PCDHGB4: variants seen among roughly 807,000 people sequenced by gnomAD.
The protein encoded by PCDHGB4 is protocadherin gamma subfamily B, 4, also known as protocadherin gamma-B4.
In PCDHGB4, 38 loss-of-function variants were observed where a neutral mutation model predicts 60.5. The observed-to-expected ratio is 0.63, with a 90% CI of 0.48 to 0.82. PCDHGB4 has a LOEUF of 0.82. Among genes scored for constraint, PCDHGB4 ranks in the 40% least tolerant of loss-of-function variants. The pLI, the probability that PCDHGB4 is intolerant of heterozygous loss-of-function variation, is 0.00. For missense variants in PCDHGB4, 1,109 were observed against 1,209.6 expected, an observed-to-expected ratio of 0.92 and a Z score of 1.23; for synonymous variants, 456 against 509.7, an observed-to-expected ratio of 0.89 and a Z score of 1.42.
chr5:141,415,020 C>T, intron 1 of PCDHGB4: 2 of 1,613,560 alleles, frequency 1.2e-6, no homozygotes, highest in Non-Finnish European at 1.7e-6. Context: ...TGCTCAAGGC[C>T]AGCGAGCCGG....
At chr5:141,451,091 G>A (rs2098706622) in intron 1 of PCDHGB4, among the ~76,000 whole-genome samples, 1 of 151,962 alleles carries the variant, frequency 6.6e-6, no homozygotes, top group South Asian at 2.1e-4. Context: ...ACCTCCCAAA[G>A]TGTTGGGATT....
intron 1 of PCDHGB4, chr5:141,412,915 T>C (rs1167427710): frequency 2.0e-5 from 8 of 407,356 alleles, no homozygotes; most frequent in Non-Finnish European, 2.6e-5. Flanking sequence ...ATGTATCACT[T>C]GGGTGCAGTA....
At chr5:141,408,791 G>C (rs1260366830) in intron 1 of PCDHGB4, 1 of 1,612,540 alleles carries the variant, frequency 6.2e-7, no homozygotes, top group East Asian at 2.2e-5. Context: ...GTTATCTCTG[G>C]AGAAACTCCT....
chr5:141,510,898 T>G (rs1393880610), intron 3 of PCDHGB4, 49 bp from the exon 4 acceptor site: 1 of 1,613,278 alleles, frequency 6.2e-7, no homozygotes, highest in East Asian at 2.2e-5. Context: ...ACAGTGACTG[T>G]TGAGGACCCT....
rs1036126623 is a variant in PCDHGB4 at position 141,410,753 on chromosome 5, T to C, written c.2397+20472T>C. The stretch of plus-strand genomic sequence containing the variant: ...AGCTTTTTACAATATTTTCTCAATG[T>C]TTTTTCAATTATAGTTTTCACTATG... On this transcript the variant is annotated intron_variant, in intron 1 of 3. Coordinates refer to ENST00000519479, the MANE Select transcript of PCDHGB4 (RefSeq NM_003736.4). 2.4e-6 allele frequency: 3 copies of C among 1,229,812 alleles called. No homozygotes were observed. In the Admixed American group the frequency reaches 8.8e-5, roughly 36 times the overall value. The allele number at this position is 1,229,812 out of a possible 1,614,324, so 76.2% of individuals were successfully genotyped here. A position where few individuals can be genotyped will look rare whatever the true frequency, so the allele number is the denominator to read the frequency against.
At chr5:141,470,574 CA>C (rs1369567985) in intron 1 of PCDHGB4, among the ~76,000 whole-genome samples, 1 of 152,188 alleles carries the variant, frequency 6.6e-6, no homozygotes, top group Non-Finnish European at 1.5e-5. Flanking sequence ...CAAGCAGGAT[CA>C]ACTTCATAGG....
intron 1 of PCDHGB4, chr5:141,423,684 T>G (rs201506477): frequency 6.6e-7 from 1 of 1,524,756 alleles, no homozygotes; most frequent in Non-Finnish European, 8.8e-7. Context: ...CTCTGCCTCC[T>G]AATTGTTGGT....
Position 141,485,200 on chromosome 5 carries a change from A to C in PCDHGB4, c.2398-9607A>C. 1 of 1,614,116 alleles carries C rather than the reference A, an allele frequency of 6.2e-7. No homozygotes were observed. The highest frequency in any genetic ancestry group is 2.2e-5 in the East Asian group (1 of 44,872). ...TGCTCCGCAAGGTGAGAAGCTGGAC[A>C]GAAATCTGGCGGTGGGCTACCCTTT... On this transcript the variant is annotated intron_variant, in intron 1 of 3. Coordinates refer to ENST00000519479, the MANE Select transcript of PCDHGB4 (RefSeq NM_003736.4). This position sits in a 1 kb window ranked among gnomAD's most constrained non-coding sequence, Gnocchi z 5.7.
At position 141,491,679 on chromosome 5, in the gene PCDHGB4, T is replaced by C. The variant is rs111288145; in HGVS notation, c.2398-3128T>C. On this transcript the variant is annotated intron_variant, in intron 1 of 3. Coordinates refer to ENST00000519479, the MANE Select transcript of PCDHGB4 (RefSeq NM_003736.4). This position sits in a 1 kb window ranked among gnomAD's most constrained non-coding sequence, Gnocchi z 6.9. ...CTGACGCCATCCGGTCCCGCTCTAA[T>C]ACGCTGCGGGAGCGGAGCCAGGTGA... is the stretch of plus-strand genomic sequence containing the variant. 21 of 1,613,378 alleles carry C rather than the reference T, an allele frequency of 1.3e-5. No homozygotes were observed. Among genetic ancestry groups the C allele is most frequent in the Middle Eastern group, 1.6e-4 (1 of 6,078 alleles).
Position 141,388,246 on chromosome 5 carries a change from TGGA to T in PCDHGB4, c.364_366del (p.Glu122del). ...CCACTGAACTTTTATCACGTGAATG[TGGA>T]GATCGAGGACATTAATGACCACACG... On this transcript the variant is annotated inframe_deletion, in exon 1 of 4. Coordinates refer to ENST00000519479, the MANE Select transcript of PCDHGB4 (RefSeq NM_003736.4). 1 of 1,609,740 alleles carries T rather than the reference TGGA, an allele frequency of 6.2e-7. No homozygotes were observed. Among genetic ancestry groups the T allele is most frequent in the East Asian group, 2.2e-5 (1 of 44,808 alleles).
In PCDHGB4 at chr5:141,485,961, A is replaced by C. The variant is rs766687554; in HGVS notation, c.2398-8846A>C. ...GCACCAGCGGGCATGGTGCTCATCC[A>C]GCTCAATGCCTCAGACCCGGACCTG... On this transcript the variant is annotated intron_variant, in intron 1 of 3. Coordinates refer to ENST00000519479, the MANE Select transcript of PCDHGB4 (RefSeq NM_003736.4). The surrounding 1 kb of genome is among the most constrained non-coding windows in gnomAD (Gnocchi z 5.7). 6.2e-7 allele frequency: 1 copy of C among 1,614,204 alleles called. No homozygotes were observed. The highest frequency in any genetic ancestry group is 1.1e-5 in the South Asian group (1 of 91,090).
At chr5:141,452,781 A>G (rs575869415) in intron 1 of PCDHGB4, among the ~76,000 whole-genome samples, 10 of 152,302 alleles carry the variant, frequency 6.6e-5, no homozygotes, top group African/African-American at 2.4e-4. Flanking sequence ...CTGAGAAAGT[A>G]ACATACCATC....
chr5:141,421,888 C>T (rs1387624358), intron 1 of PCDHGB4: 5 of 1,613,746 alleles, frequency 3.1e-6, no homozygotes. Flanking sequence ...TGGAGGCGAT[C>T]CCATCCGAAA....
rs368792885 is a variant in PCDHGB4, at chr5:141,394,552, G to A, written c.2397+4271G>A. 7.4e-5 allele frequency: 119 copies of A among 1,613,952 alleles called. No homozygotes were observed. Among genetic ancestry groups the A allele is most frequent in the Admixed American group, 8.3e-5 (5 of 60,012 alleles). On this transcript the variant is annotated intron_variant, in intron 1 of 3. Transcript: ENST00000519479. ...TCCACTGGCGTGGAGCTGGCGCCCCGCTCCGCAGAGCGTGGCTACCTGGTG... is the reference window on the plus strand; with the variant it reads ...TCCACTGGCGTGGAGCTGGCGCCCCACTCCGCAGAGCGTGGCTACCTGGTG...
Position 141,490,398 on chromosome 5 carries a change from C to A in PCDHGB4, c.2398-4409C>A. 1 of 1,614,168 alleles carries A rather than the reference C, an allele frequency of 6.2e-7. No homozygotes were observed. Among genetic ancestry groups the A allele is most frequent in the South Asian group, 1.1e-5 (1 of 91,088 alleles). On this transcript the variant is annotated intron_variant, in intron 1 of 3. Coordinates refer to ENST00000519479, the MANE Select transcript of PCDHGB4 (RefSeq NM_003736.4). This position sits in a 1 kb window ranked among gnomAD's most constrained non-coding sequence, Gnocchi z 5.4. ...ACTCAGGTAGAAATGGTGAAGTGAG[C>A]CTTGATATCTCTCCGGACCTGCCAT...
rs758540898 is a variant in PCDHGB4 at position 141,400,450 on chromosome 5, A to G, written c.2397+10169A>G. The G allele has an allele frequency of 3.7e-6, 6 of 1,613,982 alleles. No homozygotes were observed. The African/African-American group carries it at 5.3e-5, about 14-fold the overall frequency. ...TGAGCAATTGAGTTCAGGACAAGAC[A>G]TACTTTGTGGTGATTCATCTGGGGC... On this transcript the variant is annotated intron_variant, in intron 1 of 3. Transcript: ENST00000519479.
intron 1 of PCDHGB4, among the ~76,000 whole-genome samples, chr5:141,450,008 T>A (rs78952430): frequency 4.8e-4 from 18 of 37,340 alleles, no homozygotes; most frequent in African/African-American, 6.8e-4. Context: ...CCATGTCTCT[T>A]TTTTTTTTTT....
intron 1 of PCDHGB4, among the ~76,000 whole-genome samples, chr5:141,443,082 C>A (rs958408385): frequency 6.6e-6 from 1 of 151,624 alleles, no homozygotes; most frequent in African/African-American, 2.4e-5. Flanking sequence ...ACTGAGTGTT[C>A]CAGTCTCCTT....
chr5:141,402,352 T>G (rs949706048), intron 1 of PCDHGB4, among the ~76,000 whole-genome samples: 1 of 151,978 alleles, frequency 6.6e-6, no homozygotes, highest in Non-Finnish European at 1.5e-5. Flanking sequence ...AAATTAAAAA[T>G]GAATGTACTT....
Sources: gnomAD v4.1 joint callset for allele counts (sites outside exome capture counted in the v4.1 genomes callset) on GRCh38, gnomAD v4.1.1 for gene constraint, Gnocchi (gnomAD v3.1) non-coding constraint, MANE v1.5 for transcripts, NCBI Gene and HGNC (gene_info 2026-07-23, HGNC 2026-07-21) for gene names.